The following SORT1 variants were observed in gnomAD, a reference collection of about 807,000 sequenced individuals.
The protein encoded by SORT1 is sortilin 1, also known as sortilin.
In SORT1, 39 loss-of-function variants were observed where a neutral mutation model predicts 101.7. That is an observed-to-expected ratio of 0.38 (90% confidence interval 0.30 to 0.50). SORT1 has a LOEUF of 0.50. SORT1 is among the 20% of genes least tolerant of loss of function. SORT1 has a pLI of 0.90. For missense variants in SORT1, 878 were observed against 1,040.4 expected (o/e 0.84, Z 2.15); for synonymous variants, 396 against 393.7 (o/e 1.01, Z -0.07).
chr1:109,319,649 T>C (rs1279493836), intron 15 of SORT1, among the ~76,000 whole-genome samples: 1 of 152,142 alleles, frequency 6.6e-6, no homozygotes, highest in Non-Finnish European at 1.5e-5. Flanking sequence ...GCGGATTACC[T>C]GAAGTCAAGA....
intron 1 of SORT1, among the ~76,000 whole-genome samples, chr1:109,394,852 T>C (rs1434561185): frequency 6.6e-6 from 1 of 152,192 alleles, no homozygotes; most frequent in African/African-American, 2.4e-5. Context: ...AATCCTGTCA[T>C]GTTATGTAGG....
chr1:109,321,483 C>G (rs555384017), intron 15 of SORT1, among the ~76,000 whole-genome samples: 9 of 152,194 alleles, frequency 5.9e-5, no homozygotes, highest in South Asian at 4.1e-4. Context: ...AGGAGAGAAC[C>G]CTTTACAGTG....
intron 3 of SORT1, among the ~76,000 whole-genome samples, chr1:109,366,362 T>A (rs1351663150): frequency 6.6e-6 from 1 of 152,190 alleles, no homozygotes; most frequent in Non-Finnish European, 1.5e-5. Flanking sequence ...AAATGCTGTA[T>A]AAATATTTGC....
intron 1 of SORT1, chr1:109,392,998 A>G (rs755973606): frequency 5.0e-5 from 49 of 985,498 alleles, no homozygotes; most frequent in Non-Finnish European, 5.8e-5. Context: ...TGAGGCAGTT[A>G]GGAAGTTCCG....
Position 109,347,539 on chromosome 1 carries a change from T to C in SORT1, c.783-7A>G. On this transcript the variant is annotated splice_region_variant and splice_polypyrimidine_tract_variant and intron_variant, in intron 6 of 19. Transcript: ENST00000256637. ...GATGGTGTTGTCTGATCCCCTACAATGAGGCAAAAACAGGGAAAAGAAATG... is the reference window on the plus strand; with the variant it reads ...GATGGTGTTGTCTGATCCCCTACAACGAGGCAAAAACAGGGAAAAGAAATG... 1 of 1,604,560 alleles carries C rather than the reference T, an allele frequency of 6.2e-7. No individual in the cohort carries two copies. Among genetic ancestry groups the C allele is most frequent in the African/African-American group, 1.3e-5 (1 of 74,844 alleles).
In SORT1 at chr1:109,311,821, C is replaced by A. The variant is rs897713854; in HGVS notation, c.*2222G>T. On this transcript the variant is annotated 3_prime_UTR_variant, in exon 20 of 20. Transcript: ENST00000256637. ...TCATCTACAAGAAGGCAGCCTTGCT[C>A]AAAGTGGTTAGCACTCGCATGTGTA... 3 of 152,436 alleles carry A rather than the reference C, an allele frequency of 2.0e-5. No individual in the cohort carries two copies. The highest frequency in any genetic ancestry group is 4.4e-5 in the Non-Finnish European group (3 of 68,052). 9.4% of individuals were successfully genotyped at this position (152,436 alleles called of 1,614,324 possible).
At chr1:109,367,626 A>G in intron 2 of SORT1, 145 bp from the exon 3 acceptor site, 2 of 526,444 alleles carry the variant, frequency 3.8e-6, no homozygotes, top group Non-Finnish European at 6.8e-6. Flanking sequence ...TCTAGTTACT[A>G]GGGCTGAGAA....
chr1:109,328,199 ATGGT>A (rs1284248306), intron 11 of SORT1, among the ~76,000 whole-genome samples: 6 of 152,252 alleles, frequency 3.9e-5, no homozygotes, highest in Non-Finnish European at 8.8e-5. Context: ...TGCTATGTAC[ATGGT>A]TGTACAAATA....
At chr1:109,364,591 A>G (rs17037221) in intron 3 of SORT1, among the ~76,000 whole-genome samples, 3,812 of 152,318 alleles carry the variant, frequency 0.025, 164 homozygotes, top group African/African-American at 0.087. Flanking sequence ...GAGTGAAGGT[A>G]TGAGTACCGA....
chr1:109,343,929 C>T (rs1414950138), intron 8 of SORT1, among the ~76,000 whole-genome samples: 2 of 152,310 alleles, frequency 1.3e-5, no homozygotes, highest in Non-Finnish European at 2.9e-5. Flanking sequence ...GGGATTAAGG[C>T]GTGAGCCACC....
At chr1:109,320,508 C>T (rs774872375) in intron 15 of SORT1, among the ~76,000 whole-genome samples, 18 of 152,170 alleles carry the variant, frequency 1.2e-4, no homozygotes, top group Non-Finnish European at 2.6e-4. Context: ...CTTGATCATG[C>T]TGTTGGTGTC....
chr1:109,377,780 C>T lies in SORT1; in HGVS notation c.307-8191G>A, dbSNP rs142177521. On this transcript the variant is annotated intron_variant, in intron 1 of 19. Coordinates refer to ENST00000256637, the MANE Select transcript of SORT1 (RefSeq NM_002959.7). ...GAGGCAGATATAAGCAAGAGCAAGG[C>T]AATGAGAGAAGGCAGCGGTGCAGGT... 3.1e-3 allele frequency among the ~76,000 whole-genome samples: 477 copies of T among 152,150 alleles called. 2 individuals carry two copies. Among genetic ancestry groups the T allele is most frequent in the Non-Finnish European group, 5.4e-3 (369 of 68,006 alleles).
Position 109,312,845 on chromosome 1 carries a change from T to C in SORT1, c.*1198A>G, listed in dbSNP as rs936626784. 6 of 152,156 alleles carry C rather than the reference T, an allele frequency of 3.9e-5. No homozygotes were observed. Among genetic ancestry groups the C allele is most frequent in the African/African-American group, 1.2e-4 (5 of 41,438 alleles). The allele number at this position is 152,156 out of a possible 1,614,324, so 9.4% of individuals were successfully genotyped here. ...ACTTAATGTATCACACAAAGCATCATCTAGACTGGAAGTGTGTTTTCAATT... is the reference window on the plus strand; with the variant it reads ...ACTTAATGTATCACACAAAGCATCACCTAGACTGGAAGTGTGTTTTCAATT... On this transcript the variant is annotated 3_prime_UTR_variant, in exon 20 of 20. Coordinates refer to ENST00000256637, the MANE Select transcript of SORT1 (RefSeq NM_002959.7).
intron 8 of SORT1, 83 bp from the exon 9 acceptor site, chr1:109,342,241 A>G: frequency 1.9e-6 from 2 of 1,028,360 alleles, no homozygotes; most frequent in South Asian, 3.0e-5. Context: ...GTTTTAAATA[A>G]CTACTATTAT....
chr1:109,361,178 A>C (rs561143896), intron 3 of SORT1, among the ~76,000 whole-genome samples: 100 of 152,328 alleles, frequency 6.6e-4, no homozygotes, highest in African/African-American at 2.3e-3. Flanking sequence ...TTTTACTACG[A>C]GCAGTCAGGA....
chr1:109,372,696 A>C (rs993272606), intron 1 of SORT1, among the ~76,000 whole-genome samples: 2 of 152,100 alleles, frequency 1.3e-5, no homozygotes, highest in Non-Finnish European at 2.9e-5. Flanking sequence ...AGACAGGCGG[A>C]TCACGAGGTC....
intron 1 of SORT1, among the ~76,000 whole-genome samples, chr1:109,370,009 C>T (rs964964053): frequency 6.6e-6 from 1 of 152,202 alleles, no homozygotes; most frequent in African/African-American, 2.4e-5. Flanking sequence ...GCATCCTTTA[C>T]AGTATAGCTG....
intron 14 of SORT1, 79 bp from the exon 15 acceptor site, chr1:109,323,200 G>C: frequency 1.0e-6 from 1 of 975,952 alleles, no homozygotes; most frequent in South Asian, 1.6e-5. Context: ...GCTATAGGAA[G>C]AACAAGGAGA....
chr1:109,349,531 T>C (rs189621930), intron 6 of SORT1, among the ~76,000 whole-genome samples: 1 of 152,012 alleles, frequency 6.6e-6, no homozygotes, highest in African/African-American at 2.4e-5. Context: ...TCTGGGAGGC[T>C]GAGGAGGAAG....
Sources: allele counts gnomAD v4.1 joint callset (sites outside exome capture counted in the v4.1 genomes callset), GRCh38; gene constraint gnomAD v4.1.1; transcripts MANE v1.5; gene names NCBI Gene and HGNC (gene_info 2026-07-23, HGNC 2026-07-21).